Variants in PRKN observed in about 807,000 individuals in gnomAD.
PRKN encodes E3 ubiquitin-protein ligase parkin.
In PRKN, 56 loss-of-function variants were observed where a neutral mutation model predicts 59.5. That is an observed-to-expected ratio of 0.94 (90% confidence interval 0.76 to 1.18). The LOEUF (loss-of-function observed/expected upper bound fraction) is 1.18, where lower values mean the gene tolerates loss of function less well. PRKN is among the 50% of genes most tolerant of loss of function. The pLI is 0.00. For synonymous variants in PRKN, 250 were observed against 222.1 expected (o/e 1.13, Z -1.12); for missense variants, 657 against 596.4 (o/e 1.10, Z -1.06).
intron 1 of PRKN, among the ~76,000 whole-genome samples, chr6:162,672,862 G>C (rs1418776401): frequency 6.6e-6 from 1 of 152,056 alleles, no homozygotes; most frequent in African/African-American, 2.4e-5. Context: ...ACTTATCACT[G>C]TCAATACATA....
At chr6:162,457,681 A>G (rs1562779501) in intron 1 of PRKN, among the ~76,000 whole-genome samples, 1 of 152,214 alleles carries the variant, frequency 6.6e-6, no homozygotes, top group African/African-American at 2.4e-5. Flanking sequence ...AGTGATGCAG[A>G]CACAAACTCT....
intron 9 of PRKN, among the ~76,000 whole-genome samples, chr6:161,517,423 C>G (rs765943597): frequency 2.8e-4 from 43 of 152,100 alleles, no homozygotes; most frequent in Non-Finnish European, 6.0e-4. Flanking sequence ...GACCCAGCCA[C>G]ACAGTTATAA....
At chr6:161,900,632 A>C (rs1215384170) in intron 6 of PRKN, among the ~76,000 whole-genome samples, 1 of 124,742 alleles carries the variant, frequency 8.0e-6, no homozygotes, top group Non-Finnish European at 1.6e-5. Flanking sequence ...ACTATAATAT[A>C]CTATATATTA....
intron 2 of PRKN, among the ~76,000 whole-genome samples, chr6:162,440,368 A>T (rs9365435): frequency 6.6e-6 from 1 of 152,038 alleles, no homozygotes; most frequent in Non-Finnish European, 1.5e-5. Context: ...ACATTTCATA[A>T]GACTGTGGTC....
At chr6:162,459,245 A>C (rs964846651) in intron 1 of PRKN, among the ~76,000 whole-genome samples, 1 of 152,192 alleles carries the variant, frequency 6.6e-6, no homozygotes, top group African/African-American at 2.4e-5. Context: ...TCTGCTTGGA[A>C]GACTGTGCAT....
At chr6:161,630,322 G>C (rs1783253488) in intron 7 of PRKN, among the ~76,000 whole-genome samples, 1 of 152,092 alleles carries the variant, frequency 6.6e-6, no homozygotes, top group African/African-American at 2.4e-5. Flanking sequence ...GCAACTCTCT[G>C]AGGCTCAGCT....
chr6:162,083,289 G>A (rs1471745039), intron 4 of PRKN, among the ~76,000 whole-genome samples: 1 of 152,096 alleles, frequency 6.6e-6, no homozygotes, highest in East Asian at 1.9e-4. Context: ...TAATGCAAAG[G>A]TTTAAAACAT....
intron 6 of PRKN, among the ~76,000 whole-genome samples, chr6:161,906,186 T>C (rs1426410054): frequency 5.3e-5 from 8 of 152,174 alleles, no homozygotes; most frequent in African/African-American, 1.9e-4. Context: ...ATTGTTGAGT[T>C]TCCTTGTCCT....
rs796752734 is a variant in PRKN, at chr6:162,469,359, T to C, written c.8-25886A>G. Among the ~76,000 whole-genome samples, 202 of 48,488 alleles carry C rather than the reference T, an allele frequency of 4.2e-3. 9 individuals are homozygous for C. Among genetic ancestry groups the C allele is most frequent in the South Asian group, 2.7e-3 (3 of 1,124 alleles). 31.8% of individuals were successfully genotyped at this position (48,488 alleles called of 152,430 possible). On this transcript the variant is annotated intron_variant, in intron 1 of 11. Coordinates refer to ENST00000366898, the MANE Select transcript of PRKN (RefSeq NM_004562.3). ...AAAGTGGGGGGGTTGCAGGGGGGGG[T>C]GGGTGACAGAGGAAGTCATTCTACA...
intron 7 of PRKN, among the ~76,000 whole-genome samples, chr6:161,636,091 A>T (rs1177181125): frequency 1.8e-4 from 28 of 152,266 alleles, no homozygotes; most frequent in African/African-American, 6.5e-4. Flanking sequence ...AGGCACTATG[A>T]GCAGGCCGTT....
At chr6:161,842,976 G>A (rs1251611059) in intron 6 of PRKN, among the ~76,000 whole-genome samples, 2 of 152,118 alleles carry the variant, frequency 1.3e-5, no homozygotes, top group Admixed American at 6.6e-5. Flanking sequence ...CTGCTGAAAC[G>A]AACTTTCATC....
In PRKN at chr6:161,640,671, C is replaced by T. The variant is rs536644934; in HGVS notation, c.872-71255G>A. Among the ~76,000 whole-genome samples the T allele has an allele frequency of 2.8e-4, 42 of 152,188 alleles. 1 individual carries two copies. The South Asian group carries it at 8.1e-3, about 29-fold the overall frequency. ...CAGACTCAGCCACGGCCTTTACCAC[C>T]GAGGTTTCTTTCAGGAAAGGAAAGA... On this transcript the variant is annotated intron_variant, in intron 7 of 11. Coordinates refer to ENST00000366898, the MANE Select transcript of PRKN (RefSeq NM_004562.3).
chr6:162,309,281 C>A (rs189434979), intron 2 of PRKN, among the ~76,000 whole-genome samples: 143 of 152,264 alleles, frequency 9.4e-4, no homozygotes, highest in African/African-American at 3.2e-3. Flanking sequence ...TCTCCTGCCT[C>A]AGCCTCCCGA....
At chr6:162,005,614 C>G (rs528420995) in intron 5 of PRKN, among the ~76,000 whole-genome samples, 1 of 151,934 alleles carries the variant, frequency 6.6e-6, no homozygotes, top group Non-Finnish European at 1.5e-5. Flanking sequence ...GTTGACAGCC[C>G]GAATCTATTG....
rs995002883 is a variant in PRKN at position 161,371,838 on chromosome 6, C to T, written c.1168-11633G>A. 6.6e-6 allele frequency among the ~76,000 whole-genome samples: 1 copy of T among 152,124 alleles called. No individual in the cohort carries two copies. ...ATTTTTAGTAGAGATGGGATTTCAT[C>T]ACTTTGGCCAGGCTGATCTCGAATT... On this transcript the variant is annotated intron_variant, in intron 10 of 11. Transcript: ENST00000366898. This position sits in a 1 kb window ranked among gnomAD's most constrained non-coding sequence, Gnocchi z 5.5.
intron 7 of PRKN, among the ~76,000 whole-genome samples, chr6:161,722,909 G>A (rs1463193624): frequency 2.0e-5 from 3 of 152,038 alleles, no homozygotes; most frequent in African/African-American, 7.2e-5. Context: ...TTTAGCTCTT[G>A]AAACATCTCC....
chr6:162,548,050 AGTTTTTTGTTTTTGTTTTT>A (rs1050054552), intron 1 of PRKN, among the ~76,000 whole-genome samples: 1 of 118,284 alleles, frequency 8.5e-6, no homozygotes, highest in Non-Finnish European at 1.9e-5. Flanking sequence ...TTCCTCTCTG[AGTTTTTTGTTTTTGTTTTT>A]GTTTTTGTTG....
At chr6:162,247,448 G>C (rs1779247246) in intron 3 of PRKN, among the ~76,000 whole-genome samples, 1 of 151,958 alleles carries the variant, frequency 6.6e-6, no homozygotes, top group Admixed American at 6.6e-5. Context: ...AATTTTAACT[G>C]CTTTTGTTTA....
At chr6:162,466,930 C>T (rs1048727690) in intron 1 of PRKN, among the ~76,000 whole-genome samples, 11 of 152,216 alleles carry the variant, frequency 7.2e-5, no homozygotes, top group African/African-American at 2.4e-4. Context: ...AATAAATAAG[C>T]AGCTGGTAAG....
Sources: allele counts gnomAD v4.1 joint callset (sites outside exome capture counted in the v4.1 genomes callset), GRCh38; gene constraint gnomAD v4.1.1; non-coding constraint Gnocchi (gnomAD v3.1); transcripts MANE v1.5; gene names NCBI Gene and HGNC (gene_info 2026-07-23, HGNC 2026-07-21).